The following GATA3 variants were observed in gnomAD, a reference collection of about 807,000 sequenced individuals.
The protein encoded by GATA3 is GATA binding protein 3.
A neutral mutation model predicts 36.0 loss-of-function variants in GATA3; 6 were observed. The ratio of observed to expected loss-of-function variants is 0.17; its 90% CI spans 0.09 to 0.33. The LOEUF is 0.33. Ranked by LOEUF, GATA3 falls within the 10% of genes least tolerant of loss-of-function variation. The pLI is 1.00. For missense variants in GATA3, 514 were observed against 610.1 expected, an observed-to-expected ratio of 0.84 and a Z score of 1.66; for synonymous variants, 326 against 273.0, an observed-to-expected ratio of 1.19 and a Z score of -1.92.
intron 5 of GATA3, among the ~76,000 whole-genome samples, chr10:8,072,194 T>G (rs1397372499): frequency 6.6e-6 from 1 of 152,204 alleles, no homozygotes; most frequent in African/African-American, 2.4e-5. Context: ...CTCTCCCAGC[T>G]CAGCTTCGGG....
At chr10:8,056,039 G>A in intron 2 of GATA3, 143 bp downstream of exon 2, 1 of 1,158,702 alleles carries the variant, frequency 8.6e-7, no homozygotes, top group Non-Finnish European at 1.2e-6. Flanking sequence ...AAAAATTGGG[G>A]CCCGGAAATG....
At chr10:8,071,588 C>T (rs1832932351) in intron 5 of GATA3, among the ~76,000 whole-genome samples, 1 of 152,170 alleles carries the variant, frequency 6.6e-6, no homozygotes, top group African/African-American at 2.4e-5. Flanking sequence ...TCTTAATGAG[C>T]TTGGTCTTCA....
At chr10:8,051,693 T>G (rs76003259), upstream of GATA3, 1,980 of 152,594 alleles carry the variant, frequency 0.013, 25 homozygotes, top group African/African-American at 0.029. Flanking sequence ...GGATCAGCTT[T>G]GTGGCGGTGG....
chr10:8,074,248 T>A lies in GATA3; in HGVS notation c.*225T>A. On this transcript the variant is annotated 3_prime_UTR_variant, in exon 6 of 6. Coordinates refer to ENST00000379328, the MANE Select transcript of GATA3 (RefSeq NM_001002295.2). ...TGTGAATAAGCCATTCTGACTCATATCCCCTATTTAACAGGGTCTCTAGTG... is the reference window on the plus strand; with the variant it reads ...TGTGAATAAGCCATTCTGACTCATAACCCCTATTTAACAGGGTCTCTAGTG... 1 of 575,354 alleles carries A rather than the reference T, an allele frequency of 1.7e-6. No homozygotes were observed. The highest frequency in any genetic ancestry group is 3.1e-6 in the Non-Finnish European group (1 of 326,968). 35.6% of individuals were successfully genotyped at this position (575,354 alleles called of 1,614,324 possible). A position where few individuals can be genotyped will look rare whatever the true frequency, so the allele number is the denominator to read the frequency against.
In GATA3 at chr10:8,064,311, C is replaced by CTTT. The variant is rs59943653; in HGVS notation, c.924+188_924+190dup. Among the ~76,000 whole-genome samples, 38 of 51,444 alleles carry CTTT rather than the reference C, an allele frequency of 7.4e-4. No homozygotes were observed. The South Asian group carries it at 0.015, about 21-fold the overall frequency. 33.7% of individuals were successfully genotyped at this position (51,444 alleles called of 152,430 possible). ...TTTCTTTCTTTCTTTTCTTCTTCTT[C>CTTT]TTTTTTTTTTTTTTTTTCAAATTTG... On this transcript the variant is annotated intron_variant, in intron 4 of 5. Transcript: ENST00000379328.
At chr10:8,060,345 A>C (rs1832726876) in intron 3 of GATA3, among the ~76,000 whole-genome samples, 1 of 152,152 alleles carries the variant, frequency 6.6e-6, no homozygotes, top group Non-Finnish European at 1.5e-5. Flanking sequence ...TGGAGTCAAA[A>C]AGAAAGCAAG....
chr10:8,074,431 C>G lies in GATA3; in HGVS notation c.*408C>G, dbSNP rs1345610729. ...TGTGGAAATTAAGAAGAAACTAGGT[C>G]TGATATTCAAATGGACAAACTGCCA... On this transcript the variant is annotated 3_prime_UTR_variant, in exon 6 of 6. Coordinates refer to ENST00000379328, the MANE Select transcript of GATA3 (RefSeq NM_001002295.2). The G allele has an allele frequency of 4.0e-6, 1 of 248,254 alleles. No individual in the cohort carries two copies. The highest frequency in any genetic ancestry group is 7.7e-6 in the Non-Finnish European group (1 of 129,104). The allele number at this position is 248,254 out of a possible 1,614,324, so 15.4% of individuals were successfully genotyped here. A position where few individuals can be genotyped will look rare whatever the true frequency, so the allele number is the denominator to read the frequency against.
At chr10:8,060,018 A>C (rs1328693482) in intron 3 of GATA3, among the ~76,000 whole-genome samples, 1 of 152,226 alleles carries the variant, frequency 6.6e-6, no homozygotes, top group East Asian at 1.9e-4. Context: ...AGCAGCCTTG[A>C]AACCGAGCTC....
chr10:8,062,240 C>T (rs1832760778), intron 3 of GATA3, among the ~76,000 whole-genome samples: 1 of 152,008 alleles, frequency 6.6e-6, no homozygotes. Flanking sequence ...CTTTGGCATG[C>T]ACTGCAGCGT....
Position 8,055,589 on chromosome 10 carries a change from C to A in GATA3, c.-67C>A. 2 of 1,525,590 alleles carry A rather than the reference C, an allele frequency of 1.3e-6. No homozygotes were observed. The highest frequency in any genetic ancestry group is 1.8e-6 in the Non-Finnish European group (2 of 1,141,194). The allele number at this position is 1,525,590 out of a possible 1,614,324, so 94.5% of individuals were successfully genotyped here. A position where few individuals can be genotyped will look rare whatever the true frequency, so the allele number is the denominator to read the frequency against. On this transcript the variant is annotated 5_prime_UTR_variant, in exon 2 of 6. Coordinates refer to ENST00000379328, the MANE Select transcript of GATA3 (RefSeq NM_001002295.2). The surrounding 1 kb of genome is among the most constrained non-coding windows in gnomAD (Gnocchi z 5.4). ...GGCAGGAGCCCCCCGACCTCCCAGG[C>A]GGACCGCCCTCCCTCCCCGCGCGCG...
intron 4 of GATA3, among the ~76,000 whole-genome samples, chr10:8,067,647 G>A (rs750398568): frequency 5.3e-5 from 8 of 151,962 alleles, no homozygotes; most frequent in Non-Finnish European, 1.0e-4. Context: ...GTGAAACCCC[G>A]TCTCTACTAA....
chr10:8,047,219 C>A (rs1564392384), intron 1 of GATA3, among the ~76,000 whole-genome samples: 1 of 152,068 alleles, frequency 6.6e-6, no homozygotes, highest in Non-Finnish European at 1.5e-5. Flanking sequence ...CCTGGGGAAC[C>A]GGCAGGTAGG....
chr10:8,058,790 T>C lies in GATA3; in HGVS notation c.727T>C (p.Ser243Pro). 1 of 1,608,366 alleles carries C rather than the reference T, an allele frequency of 6.2e-7. No individual in the cohort carries two copies. The highest frequency in any genetic ancestry group is 8.5e-7 in the Non-Finnish European group (1 of 1,179,622). The change falls in exon 3 of 6, where the codon TCC (serine) becomes CCC (proline). Residue 243 changes from serine to proline, a missense_variant. Coordinates refer to ENST00000379328, the MANE Select transcript of GATA3 (RefSeq NM_001002295.2). ...LFPPSSLLGGSPTGFGCKSRP... is the reference protein window; with the variant it reads ...LFPPSSLLGGPPTGFGCKSRP... ...CCCCCCCAGCAGCCTGCTGGGCGGC[T>C]CCCCCACCGGCTTCGGATGCAAGTC...
Position 8,063,918 on chromosome 10 carries a change from C to T in GATA3, c.779-75C>T, listed in dbSNP as rs112538659. On this transcript the variant is annotated intron_variant, in intron 3 of 5. Coordinates refer to ENST00000379328, the MANE Select transcript of GATA3 (RefSeq NM_001002295.2). ...AAAAGTTCTCCATTTTACGTTTCTC[C>T]CCCAGTTCCAAATGCTGTCAGCTTT... is the stretch of plus-strand genomic sequence containing the variant. 32 of 1,605,562 alleles carry T rather than the reference C, an allele frequency of 2.0e-5. No individual in the cohort carries two copies. The African/African-American group carries it at 3.7e-4, about 19-fold the overall frequency.
At chr10:8,062,736 C>T (rs1257341470) in intron 3 of GATA3, among the ~76,000 whole-genome samples, 6 of 152,150 alleles carry the variant, frequency 3.9e-5, no homozygotes, top group Non-Finnish European at 7.4e-5. Flanking sequence ...ACCTACCCTC[C>T]GGGGTCCTCC....
rs982156414 is a variant in GATA3, at chr10:8,055,164, G to A, written c.-369-123G>A. 1 of 227,318 alleles carries A rather than the reference G, an allele frequency of 4.4e-6. No homozygotes were observed. Among genetic ancestry groups the A allele is most frequent in the African/African-American group, 2.3e-5 (1 of 43,618 alleles). The allele number at this position is 227,318 out of a possible 1,614,324, so 14.1% of individuals were successfully genotyped here. A position where few individuals can be genotyped will look rare whatever the true frequency, so the allele number is the denominator to read the frequency against. On this transcript the variant is annotated intron_variant, in intron 1 of 5. Transcript: ENST00000379328. This position sits in a 1 kb window ranked among gnomAD's most constrained non-coding sequence, Gnocchi z 5.4. Reference sequence around the variant, plus strand: ...TCCCCGAGAGCCCTGCGGGCTCCGCGGCCGTGTCCCCGCGCTCCCGTGCGG... The same window carrying A: ...TCCCCGAGAGCCCTGCGGGCTCCGCAGCCGTGTCCCCGCGCTCCCGTGCGG...
At chr10:8,052,812 G>C (rs1248524339), upstream of GATA3, 1 of 150,238 alleles carries the variant, frequency 6.7e-6, no homozygotes, top group African/African-American at 2.5e-5. Flanking sequence ...GGAGAGACGA[G>C]TGGTCAGAGA....
At position 8,074,168 on chromosome 10, in the gene GATA3, T is replaced by C. The variant is rs1346820198; in HGVS notation, c.*145T>C. 1.1e-6 allele frequency: 1 copy of C among 887,224 alleles called. No individual in the cohort carries two copies. The highest frequency in any genetic ancestry group is 1.7e-6 in the Non-Finnish European group (1 of 593,570). 55.0% of individuals were successfully genotyped at this position (887,224 alleles called of 1,614,324 possible). ...GAAAGCAAAATTATGTTTGCCACTT[T>C]GCAAAGGAGCTCACTGTGGTGTCTG... On this transcript the variant is annotated 3_prime_UTR_variant, in exon 6 of 6. Transcript: ENST00000379328.
upstream of GATA3, among the ~76,000 whole-genome samples, chr10:8,049,140 G>A (rs1293546801): frequency 7.8e-6 from 1 of 128,048 alleles, no homozygotes; most frequent in Non-Finnish European, 1.7e-5. Flanking sequence ...CTAAAGGAAG[G>A]AAAAGAAAAA....
Sources: gnomAD v4.1 joint callset for allele counts (sites outside exome capture counted in the v4.1 genomes callset) on GRCh38, gnomAD v4.1.1 for gene constraint, Gnocchi (gnomAD v3.1) non-coding constraint, MANE v1.5 for transcripts, NCBI Gene and HGNC (gene_info 2026-07-23, HGNC 2026-07-21) for gene names.